ZNF385B: variants seen among roughly 807,000 people sequenced by gnomAD.
ZNF385B encodes zinc finger protein 533.
A neutral mutation model predicts 39.2 loss-of-function variants in ZNF385B; 23 were observed. The ratio of observed to expected loss-of-function variants is 0.59; its 90% CI spans 0.42 to 0.83. ZNF385B has a LOEUF of 0.83. Ranked by LOEUF, ZNF385B falls within the 40% of genes least tolerant of loss-of-function variation. The pLI is 0.00. For missense variants in ZNF385B, 552 were observed against 598.9 expected (o/e 0.92, Z 0.82); for synonymous variants, 205 against 222.6 (o/e 0.92, Z 0.70).
intron 3 of ZNF385B, chr2:179,745,822 T>C: frequency 2.1e-6 from 3 of 1,412,350 alleles, no homozygotes; most frequent in Non-Finnish European, 2.8e-6. Flanking sequence ...TGCACAGCGC[T>C]ACCGAGACTT....
intron 1 of ZNF385B, among the ~76,000 whole-genome samples, chr2:179,790,512 C>T (rs1045861741): frequency 1.3e-5 from 2 of 152,192 alleles, no homozygotes; most frequent in African/African-American, 4.8e-5. Context: ...AATAAAAGTA[C>T]TTCTTGAAAT....
intron 3 of ZNF385B, among the ~76,000 whole-genome samples, chr2:179,554,413 C>T (rs1048186368): frequency 3.4e-5 from 5 of 148,702 alleles, no homozygotes; most frequent in Admixed American, 6.7e-5. Flanking sequence ...AATGGTGGAG[C>T]GGAACTGTAT....
chr2:179,741,752 T>A (rs1260615752), intron 3 of ZNF385B, among the ~76,000 whole-genome samples: 1 of 152,154 alleles, frequency 6.6e-6, no homozygotes, highest in Non-Finnish European at 1.5e-5. Context: ...ATATTGTATC[T>A]ATTCTATTTT....
intron 3 of ZNF385B, among the ~76,000 whole-genome samples, chr2:179,616,638 C>A (rs1166984879): frequency 6.6e-6 from 1 of 152,188 alleles, no homozygotes; most frequent in Non-Finnish European, 1.5e-5. Flanking sequence ...TAGCTCCCTG[C>A]AGCCTTTAAC....
intron 1 of ZNF385B, among the ~76,000 whole-genome samples, chr2:179,845,034 C>T (rs967957623): frequency 6.6e-6 from 1 of 152,154 alleles, no homozygotes; most frequent in Non-Finnish European, 1.5e-5. Context: ...ATAATGATCA[C>T]TACCCAAACA....
intron 3 of ZNF385B, among the ~76,000 whole-genome samples, chr2:179,674,036 T>C (rs1696412138): frequency 6.6e-6 from 1 of 152,202 alleles, no homozygotes; most frequent in Admixed American, 6.5e-5. Context: ...TATATCATTG[T>C]TTATACAGAA....
chr2:179,748,772 T>C (rs1702516690), intron 3 of ZNF385B, among the ~76,000 whole-genome samples: 1 of 152,148 alleles, frequency 6.6e-6, no homozygotes, highest in Non-Finnish European at 1.5e-5. Context: ...TACTTTTCTT[T>C]CAGTACATTA....
At chr2:179,621,769 G>A (rs1690238514) in intron 3 of ZNF385B, among the ~76,000 whole-genome samples, 1 of 152,114 alleles carries the variant, frequency 6.6e-6, no homozygotes, top group African/African-American at 2.4e-5. Flanking sequence ...TCACCTCCGT[G>A]TCACACCTTT....
chr2:179,849,626 C>T (rs999629131), intron 1 of ZNF385B, among the ~76,000 whole-genome samples: 3 of 152,082 alleles, frequency 2.0e-5, no homozygotes, highest in South Asian at 2.1e-4. Context: ...TAGTTTCAAA[C>T]GTTGAGGATA....
intron 3 of ZNF385B, among the ~76,000 whole-genome samples, chr2:179,581,975 A>C (rs1208690490): frequency 1.3e-5 from 2 of 152,112 alleles, no homozygotes; most frequent in African/African-American, 4.8e-5. Context: ...CCACTTTATT[A>C]TTGTGCTCTT....
At chr2:179,786,903 GTTTA>G (rs936657686) in intron 1 of ZNF385B, among the ~76,000 whole-genome samples, 4 of 152,004 alleles carry the variant, frequency 2.6e-5, no homozygotes, top group Admixed American at 6.6e-5. Context: ...GTATGAGAGT[GTTTA>G]TTTCTTACTC....
chr2:179,616,436 C>CGATT (rs1329656179), intron 3 of ZNF385B, among the ~76,000 whole-genome samples: 1 of 152,102 alleles, frequency 6.6e-6, no homozygotes, highest in Non-Finnish European at 1.5e-5. Flanking sequence ...CAGGTACAAA[C>CGATT]GATTCTCTCG....
rs181995355 is a variant in ZNF385B, at chr2:179,730,307, T to C, written c.298+39196A>G. On this transcript the variant is annotated intron_variant, in intron 3 of 9. Coordinates refer to ENST00000410066, the MANE Select transcript of ZNF385B (RefSeq NM_152520.6). ...GTGAAGAAATTTAAGTTACCTCTTC[T>C]CTCATTCTTCTGGTCTTCAAGAAGA... Among the ~76,000 whole-genome samples the C allele has an allele frequency of 2.8e-3, 425 of 152,330 alleles. 2 individuals carry two copies. The highest frequency in any genetic ancestry group is 5.2e-3 in the Non-Finnish European group (356 of 68,020).
At chr2:179,655,787 C>T (rs1281688718) in intron 3 of ZNF385B, among the ~76,000 whole-genome samples, 1 of 152,098 alleles carries the variant, frequency 6.6e-6, no homozygotes, top group African/African-American at 2.4e-5. Flanking sequence ...AATATGTTTA[C>T]CCAGTAAGGG....
At position 179,523,829 on chromosome 2, in the gene ZNF385B, G is replaced by A. The variant is rs574710046; in HGVS notation, c.442-5191C>T. On this transcript the variant is annotated intron_variant, in intron 4 of 9. Coordinates refer to ENST00000410066, the MANE Select transcript of ZNF385B (RefSeq NM_152520.6). Reference sequence around the variant, plus strand: ...TATTTTATTCTCAGAGACTTATTGTGTTGCTCAGTCTGGAGAGCAGTGGCA... The same window carrying A: ...TATTTTATTCTCAGAGACTTATTGTATTGCTCAGTCTGGAGAGCAGTGGCA... 3.3e-5 allele frequency among the ~76,000 whole-genome samples: 5 copies of A among 152,224 alleles called. No homozygotes were observed. The South Asian group carries it at 6.2e-4, about 19-fold the overall frequency.
At chr2:179,658,960 A>G (rs1254461024) in intron 3 of ZNF385B, among the ~76,000 whole-genome samples, 1 of 152,156 alleles carries the variant, frequency 6.6e-6, no homozygotes, top group Non-Finnish European at 1.5e-5. Flanking sequence ...GTATTTTAGT[A>G]GAGATGGGGC....
intron 1 of ZNF385B, among the ~76,000 whole-genome samples, chr2:179,796,882 A>G (rs1705697071): frequency 6.6e-6 from 1 of 152,182 alleles, no homozygotes; most frequent in African/African-American, 2.4e-5. Context: ...TTGGTTAAAG[A>G]CATTTAATCT....
chr2:179,450,107 T>C (rs879443179), intron 6 of ZNF385B, among the ~76,000 whole-genome samples: 1 of 151,788 alleles, frequency 6.6e-6, no homozygotes, highest in Non-Finnish European at 1.5e-5. Flanking sequence ...TAATTCAAGA[T>C]GGATTAAAGA....
At chr2:179,696,209 C>T (rs572411600) in intron 3 of ZNF385B, among the ~76,000 whole-genome samples, 4 of 151,110 alleles carry the variant, frequency 2.6e-5, no homozygotes, top group African/African-American at 4.9e-5. Flanking sequence ...TGGTGATGAT[C>T]GTATGTATCT....
Sources: gnomAD v4.1 joint callset for allele counts (sites outside exome capture counted in the v4.1 genomes callset) on GRCh38, gnomAD v4.1.1 for gene constraint, MANE v1.5 for transcripts, NCBI Gene and HGNC (gene_info 2026-07-23, HGNC 2026-07-21) for gene names.